GNS: variants seen among roughly 807,000 people sequenced by gnomAD.
GNS encodes glucosamine (N-acetyl)-6-sulfatase.
In GNS, 40 loss-of-function variants were observed where a neutral mutation model predicts 69.7. That is an observed-to-expected ratio of 0.57 (90% CI 0.45 to 0.75). The LOEUF (loss-of-function observed/expected upper bound fraction) is 0.75. Ranked by LOEUF, GNS falls within the 30% of genes least tolerant of loss-of-function variation. The probability of loss-of-function intolerance (pLI) is 0.00; values close to 1 mark genes in which losing one functional copy is unlikely to be tolerated. For synonymous variants in GNS, 243 were observed against 251.6 expected (o/e 0.97, Z 0.32); for missense variants, 565 against 685.5 (o/e 0.82, Z 1.96).
At position 64,723,110 on chromosome 12, in the gene GNS, C is replaced by T. The variant is rs1364524364; in HGVS notation, c.1204G>A (p.Gly402Ser). Reference sequence around the variant, plus strand: ...GATCGCCAGGTCAAGTTACTGGCACCTCTCTAGAAAGAAGAGCAAGTGGAA... The same window carrying T: ...GATCGCCAGGTCAAGTTACTGGCACTTCTCTAGAAAGAAGAGCAAGTGGAA... Reference protein sequence around the residue: ...DGMSLLPILRGASNLTWRSDV... With the variant: ...DGMSLLPILRSASNLTWRSDV... Residue 402 changes from glycine (G) to serine (S), a missense_variant, in exon 11 of 14, where the codon GGT becomes AGT. By Grantham distance (56) the Gly-to-Ser change is moderately conservative. This residue lies in a region of GNS where 384 missense variants were observed against 511.0 expected (regional missense o/e 0.75). Coordinates refer to ENST00000258145, the MANE Select transcript of GNS (RefSeq NM_002076.4). The T allele has an allele frequency of 3.8e-6, 6 of 1,586,398 alleles. No individual in the cohort carries two copies. Among genetic ancestry groups the T allele is most frequent in the Non-Finnish European group, 3.5e-6 (4 of 1,154,708 alleles).
intron 2 of GNS, among the ~76,000 whole-genome samples, chr12:64,750,138 C>T (rs1468600169): frequency 6.6e-6 from 1 of 152,080 alleles, no homozygotes; most frequent in East Asian, 1.9e-4. Context: ...CCTCTACCTC[C>T]TGGGTTCAAG....
chr12:64,747,608 A>G, intron 3 of GNS, 104 bp downstream of exon 3: 1 of 748,360 alleles, frequency 1.3e-6, no homozygotes, highest in East Asian at 2.7e-5. Context: ...AAAACAACGT[A>G]TACCAAGAAA....
intron 6 of GNS, among the ~76,000 whole-genome samples, chr12:64,741,576 A>G (rs1869737348): frequency 6.6e-6 from 1 of 151,792 alleles, no homozygotes; most frequent in South Asian, 2.1e-4. Context: ...ATAAGCCACC[A>G]TACCTGGTCT....
rs1868864343 is a variant in GNS, at chr12:64,716,567, T to C, written c.*174A>G. 1.5e-6 allele frequency: 1 copy of C among 673,852 alleles called. No homozygotes were observed. Among genetic ancestry groups the C allele is most frequent in the African/African-American group, 1.8e-5 (1 of 56,692 alleles). The allele number at this position is 673,852 out of a possible 1,614,324, so 41.7% of individuals were successfully genotyped here. On this transcript the variant is annotated 3_prime_UTR_variant, in exon 14 of 14. Transcript: ENST00000258145. The stretch of plus-strand genomic sequence containing the variant: ...CTGACACATGGGCAGAGTTCACAGT[T>C]TAACACATTGCACGAGGAAGTCAGC...
In GNS at chr12:64,752,758, C is replaced by A; in HGVS notation, c.193-1G>T. The A allele has an allele frequency of 7.1e-7, 1 of 1,402,916 alleles. No individual in the cohort carries two copies. Among genetic ancestry groups the A allele is most frequent in the Non-Finnish European group, 1.0e-6 (1 of 990,574 alleles). 86.9% of individuals were successfully genotyped at this position (1,402,916 alleles called of 1,614,324 possible). A position where few individuals can be genotyped will look rare whatever the true frequency, so the allele number is the denominator to read the frequency against. On this transcript the variant is annotated splice_acceptor_variant, in intron 1 of 13. Coordinates refer to ENST00000258145, the MANE Select transcript of GNS (RefSeq NM_002076.4). LOFTEE classifies it high-confidence loss of function. ...GAGCTTTGGTTTTCTTTAGCGGTGT[C>A]TGTAAAAGTAAGTAATTATCCATTA...
At chr12:64,753,930 G>A (rs1249559597) in intron 1 of GNS, among the ~76,000 whole-genome samples, 1 of 152,178 alleles carries the variant, frequency 6.6e-6, no homozygotes, top group Non-Finnish European at 1.5e-5. Flanking sequence ...AAAGAATACT[G>A]GGCTTCATGA....
chr12:64,731,519 C>T (rs1263671227), intron 9 of GNS, among the ~76,000 whole-genome samples: 2 of 152,224 alleles, frequency 1.3e-5, no homozygotes, highest in Admixed American at 6.5e-5. Flanking sequence ...ATAATGATCA[C>T]ACTCCCCTAA....
intron 9 of GNS, among the ~76,000 whole-genome samples, chr12:64,733,685 T>C (rs139805982): frequency 4.6e-5 from 7 of 152,268 alleles, no homozygotes; most frequent in African/African-American, 1.4e-4. Context: ...AGGCTTAACA[T>C]CCTCTTACTT....
At chr12:64,746,251 A>C (rs1255908037) in intron 3 of GNS, 1 of 173,504 alleles carries the variant, frequency 5.8e-6, no homozygotes, top group Non-Finnish European at 1.2e-5. Flanking sequence ...CATGGGGTGA[A>C]TGCTGAGCTG....
intron 2 of GNS, among the ~76,000 whole-genome samples, chr12:64,752,357 G>A (rs896410608): frequency 2.6e-5 from 4 of 152,126 alleles, no homozygotes; most frequent in African/African-American, 9.7e-5. Flanking sequence ...GTTGCTATTT[G>A]TCAGTTTTGG....
At chr12:64,719,576 G>A (rs1868960783) in intron 13 of GNS, among the ~76,000 whole-genome samples, 1 of 152,142 alleles carries the variant, frequency 6.6e-6, no homozygotes, top group South Asian at 2.1e-4. Context: ...TTCATTGTGT[G>A]TTTAATATAT....
chr12:64,744,245 C>T (rs1189358139), intron 5 of GNS, among the ~76,000 whole-genome samples: 1 of 152,222 alleles, frequency 6.6e-6, no homozygotes, highest in East Asian at 1.9e-4. Flanking sequence ...TTAACTTCCA[C>T]AGAATCAGGG....
chr12:64,716,703 G>A lies in GNS; in HGVS notation c.*38C>T. ...ACTACAATCACTTCATCAGAAAGAGGCGTGCAGGGATCCATCTGCAGAGGC... is the reference window on the plus strand; with the variant it reads ...ACTACAATCACTTCATCAGAAAGAGACGTGCAGGGATCCATCTGCAGAGGC... On this transcript the variant is annotated 3_prime_UTR_variant, in exon 14 of 14. Transcript: ENST00000258145. The A allele has an allele frequency of 8.2e-7, 1 of 1,214,720 alleles. No homozygotes were observed. The highest frequency in any genetic ancestry group is 1.2e-6 in the Non-Finnish European group (1 of 815,596). 75.2% of individuals were successfully genotyped at this position (1,214,720 alleles called of 1,614,324 possible).
At chr12:64,746,164 G>T (rs1316769902) in intron 3 of GNS, 1 of 225,026 alleles carries the variant, frequency 4.4e-6, no homozygotes, top group Non-Finnish European at 8.9e-6. Flanking sequence ...AGAGACATAT[G>T]GCCTGCAAGG....
intron 6 of GNS, among the ~76,000 whole-genome samples, chr12:64,742,299 C>T (rs189559794): frequency 0.013 from 1,917 of 152,320 alleles, 14 homozygotes; most frequent in Non-Finnish European, 0.018. Context: ...GGATTACAGG[C>T]ATGAGCCACT....
chr12:64,744,168 T>A (rs938665961), intron 5 of GNS, among the ~76,000 whole-genome samples: 1 of 152,216 alleles, frequency 6.6e-6, no homozygotes, highest in Non-Finnish European at 1.5e-5. Context: ...CTAACTTATT[T>A]CTCGAACTGA....
At chr12:64,725,029 C>T (rs561509454) in intron 10 of GNS, among the ~76,000 whole-genome samples, 67 of 152,272 alleles carry the variant, frequency 4.4e-4, no homozygotes, top group African/African-American at 1.4e-3. Flanking sequence ...TCAGTGGTTC[C>T]TGAACTTTGC....
intron 12 of GNS, among the ~76,000 whole-genome samples, 167 bp from the exon 13 acceptor site, chr12:64,720,349 AC>A (rs2136236724): frequency 6.6e-6 from 1 of 152,084 alleles, no homozygotes; most frequent in South Asian, 2.1e-4. Context: ...CAAAGAGCTC[AC>A]TGCTTCCTTG....
intron 9 of GNS, among the ~76,000 whole-genome samples, chr12:64,732,574 C>T (rs770269792): frequency 4.3e-4 from 66 of 151,854 alleles, no homozygotes; most frequent in Non-Finnish European, 7.8e-4. Flanking sequence ...CATTCTCCTG[C>T]CTCAGTCTCC....
Sources: allele counts gnomAD v4.1 joint callset (sites outside exome capture counted in the v4.1 genomes callset), GRCh38; gene constraint gnomAD v4.1.1; regional missense constraint gnomAD v4.1.1; transcripts MANE v1.5; gene names NCBI Gene and HGNC (gene_info 2026-07-23, HGNC 2026-07-21).